The following GARNL3 variants were observed in gnomAD, a reference collection of about 807,000 sequenced individuals.
GARNL3 encodes the protein GTPase-activating Rap/Ran-GAP domain-like protein 3.
GARNL3 carries 63 observed loss-of-function variants against 125.0 expected under a neutral mutation model. The observed-to-expected ratio is 0.50, with a 90% confidence interval of 0.41 to 0.62. The LOEUF is 0.62. Ranked by LOEUF, GARNL3 falls within the 20% of genes least tolerant of loss-of-function variation. The probability of loss-of-function intolerance (pLI) is 0.00; values close to 1 mark genes in which losing one functional copy is unlikely to be tolerated. For missense variants in GARNL3, 994 were observed against 1,244.0 expected (o/e 0.80, Z 3.02); for synonymous variants, 439 against 457.5 (o/e 0.96, Z 0.52).
At chr9:127,327,360 G>A (rs1309871066) in intron 7 of GARNL3, among the ~76,000 whole-genome samples, 1 of 152,140 alleles carries the variant, frequency 6.6e-6, no homozygotes, top group Non-Finnish European at 1.5e-5. Context: ...ACAGAGGTGG[G>A]GTGTGTGGTG....
chr9:127,335,509 T>C (rs1829503389), intron 10 of GARNL3, among the ~76,000 whole-genome samples, 176 bp downstream of exon 10: 1 of 152,226 alleles, frequency 6.6e-6, no homozygotes, highest in Non-Finnish European at 1.5e-5. Flanking sequence ...GGAAGAGCTA[T>C]TCTCACTGGT....
rs763160611 is a variant in GARNL3 at position 127,391,524 on chromosome 9, C to CAAAAAAAAAAAAAAA, written c.2870+767_2870+768insAAAAAAAAAAAAAAA. On this transcript the variant is annotated intron_variant, in intron 27 of 27. Transcript: ENST00000373387. The stretch of plus-strand genomic sequence containing the variant: ...GGCAACACAGCAAGACCCATCTCTA[C>CAAAAAAAAAAAAAAA]AAAAAAAAAATATATATATATATAT... Among the ~76,000 whole-genome samples, 41 of 70,432 alleles carry CAAAAAAAAAAAAAAA rather than the reference C, an allele frequency of 5.8e-4. 1 individual carries two copies. The highest frequency in any genetic ancestry group is 2.2e-3 in the East Asian group (5 of 2,254). 46.2% of individuals were successfully genotyped at this position (70,432 alleles called of 152,430 possible).
intron 6 of GARNL3, among the ~76,000 whole-genome samples, chr9:127,321,911 C>T (rs1040158225): frequency 9.2e-5 from 14 of 152,180 alleles, no homozygotes; most frequent in Admixed American, 7.2e-4. Flanking sequence ...ACAATCTTTG[C>T]TTGTATATCT....
upstream of GARNL3, chr9:127,264,765 A>G (rs572843395): frequency 1.5e-5 from 19 of 1,279,736 alleles, no homozygotes; most frequent in South Asian, 1.3e-4. Flanking sequence ...TGAGGGCTCC[A>G]TGAAAGCCAG....
chr9:127,345,052 G>A (rs116164985), intron 15 of GARNL3, among the ~76,000 whole-genome samples: 1,843 of 152,266 alleles, frequency 0.012, 49 homozygotes, highest in African/African-American at 0.043. Context: ...TCAAACATTG[G>A]TTCTTGTTTA....
At chr9:127,338,018 C>A in intron 11 of GARNL3, 98 bp from the exon 12 acceptor site, 2 of 888,486 alleles carry the variant, frequency 2.3e-6, no homozygotes, top group Non-Finnish European at 1.9e-6. Flanking sequence ...AGCACAGAAG[C>A]GCTGGTCGAG....
At position 127,355,473 on chromosome 9, in the gene GARNL3, G is replaced by A; in HGVS notation, c.1935+1G>A. On this transcript the variant is annotated splice_donor_variant, in intron 20 of 27. Coordinates refer to ENST00000373387, the MANE Select transcript of GARNL3 (RefSeq NM_032293.5). LOFTEE classifies it high-confidence loss of function. ...TGTTGAAGAATTCCAGTACATCAGG[G>A]TAGGTTTGCTCTTTAAATCATTTAT... is the stretch of plus-strand genomic sequence containing the variant. 1 of 1,613,796 alleles carries A rather than the reference G, an allele frequency of 6.2e-7. No homozygotes were observed. Among genetic ancestry groups the A allele is most frequent in the Non-Finnish European group, 8.5e-7 (1 of 1,179,652 alleles).
intron 1 of GARNL3, among the ~76,000 whole-genome samples, chr9:127,228,950 T>A (rs979800599): frequency 2.6e-5 from 4 of 151,992 alleles, no homozygotes; most frequent in African/African-American, 9.7e-5. Context: ...CAGCCTTGAG[T>A]AGCTGGGATT....
Position 127,265,022 on chromosome 9 carries a change from G to GT in GARNL3, c.144+2dup. 2 of 1,611,796 alleles carry GT rather than the reference G, an allele frequency of 1.2e-6. No homozygotes were observed. Among genetic ancestry groups the GT allele is most frequent in the Non-Finnish European group, 1.7e-6 (2 of 1,178,640 alleles). ...GAAACATTATGGATCTGTGGAGCTG[G>GT]TAAGTTTATGCTGTCTGTTCAGTGG... is the stretch of plus-strand genomic sequence containing the variant. On this transcript the variant is annotated splice_donor_variant, in intron 1 of 27. Transcript: ENST00000373387. LOFTEE classifies it high-confidence loss of function.
intron 13 of GARNL3, among the ~76,000 whole-genome samples, chr9:127,341,040 T>C (rs2131605688): frequency 6.6e-6 from 1 of 152,238 alleles, no homozygotes; most frequent in Non-Finnish European, 1.5e-5. Context: ...AACAGAGACA[T>C]GAAAGACACC....
intron 1 of GARNL3, among the ~76,000 whole-genome samples, chr9:127,268,681 G>A (rs1454626718): frequency 6.6e-6 from 1 of 152,004 alleles, no homozygotes; most frequent in Non-Finnish European, 1.5e-5. Flanking sequence ...AATGTTTTCC[G>A]TCATCCCAAA....
At chr9:127,328,334 A>G (rs561648090) in intron 7 of GARNL3, among the ~76,000 whole-genome samples, 21 of 152,264 alleles carry the variant, frequency 1.4e-4, no homozygotes, top group Admixed American at 5.2e-4. Context: ...GAGGCACTCT[A>G]TTTAATCCTG....
chr9:127,314,315 C>T (rs373343991), intron 4 of GARNL3, among the ~76,000 whole-genome samples: 7 of 152,310 alleles, frequency 4.6e-5, no homozygotes, highest in African/African-American at 1.4e-4. Context: ...CTACCCTTCT[C>T]CAAGTTCAAA....
chr9:127,290,225 T>A (rs2064373685), intron 1 of GARNL3, among the ~76,000 whole-genome samples: 1 of 152,204 alleles, frequency 6.6e-6, no homozygotes, highest in Non-Finnish European at 1.5e-5. Flanking sequence ...GTAGGAAAAA[T>A]TTATCAATCT....
In GARNL3 at chr9:127,320,701, C is replaced by G. The variant is rs1210098270; in HGVS notation, c.504-14C>G. The stretch of plus-strand genomic sequence containing the variant: ...TCTCTGATGCTGCAGCTCATCCTGT[C>G]CATTCTATTTCAGTGCCATGAATCT... On this transcript the variant is annotated splice_polypyrimidine_tract_variant and intron_variant, in intron 5 of 27. Transcript: ENST00000373387. The G allele has an allele frequency of 1.9e-6, 3 of 1,601,188 alleles. No individual in the cohort carries two copies. Among genetic ancestry groups the G allele is most frequent in the Admixed American group, 1.7e-5 (1 of 59,890 alleles).
Position 127,270,919 on chromosome 9 carries a change from A to G in GARNL3, c.144+5898A>G, listed in dbSNP as rs1025878537. Among the ~76,000 whole-genome samples, 6 of 140,762 alleles carry G rather than the reference A, an allele frequency of 4.3e-5. 1 individual carries two copies. The highest frequency in any genetic ancestry group is 2.0e-4 in the African/African-American group (6 of 30,728). 92.3% of individuals were successfully genotyped at this position (140,762 alleles called of 152,430 possible). On this transcript the variant is annotated intron_variant, in intron 1 of 27. Transcript: ENST00000373387. The stretch of plus-strand genomic sequence containing the variant: ...TCTTCATTCTTGGATCCTAATTTCA[A>G]ATTCCAAATAGAATACTATGGATTG...
chr9:127,294,838 C>T (rs767292919), intron 2 of GARNL3, among the ~76,000 whole-genome samples: 1 of 152,176 alleles, frequency 6.6e-6, no homozygotes, highest in Admixed American at 6.5e-5. Context: ...AGTCCCTGCT[C>T]CTAGGGGCCT....
intron 1 of GARNL3, among the ~76,000 whole-genome samples, chr9:127,290,609 G>A (rs1258570962): frequency 4.6e-5 from 7 of 152,166 alleles, no homozygotes; most frequent in Non-Finnish European, 7.4e-5. Flanking sequence ...CACCTCTTTC[G>A]AACATTGGGC....
chr9:127,234,605 G>A (rs943006871), intron 1 of GARNL3, among the ~76,000 whole-genome samples: 3 of 152,188 alleles, frequency 2.0e-5, no homozygotes, highest in African/African-American at 4.8e-5. Context: ...TACGAAGAAG[G>A]CTATTCACTG....
Sources: gnomAD v4.1 joint callset for allele counts (sites outside exome capture counted in the v4.1 genomes callset) on GRCh38, gnomAD v4.1.1 for gene constraint, MANE v1.5 for transcripts, NCBI Gene and HGNC (gene_info 2026-07-23, HGNC 2026-07-21) for gene names.